ZNF257: variants seen among roughly 807,000 people sequenced by gnomAD.
ZNF257 encodes bone marrow zinc finger 4.
Under a neutral mutation model 11.9 loss-of-function variants are expected in ZNF257, and 12 were observed. The observed-to-expected ratio is 1.01, with a 90% CI of 0.65 to 1.63. The LOEUF (loss-of-function observed/expected upper bound fraction) is 1.63, where lower values mean the gene tolerates loss of function less well. Ranked by LOEUF, ZNF257 falls within the 40% of genes most tolerant of loss-of-function variation. The pLI is 0.00. For missense variants in ZNF257, 580 were observed against 665.5 expected (o/e 0.87, Z 1.41); for synonymous variants, 183 against 222.7 (o/e 0.82, Z 1.59).
In ZNF257 at chr19:22,063,303, T is replaced by C. The variant is rs147884937; in HGVS notation, c.4-9506T>C. Reference sequence around the variant, plus strand: ...TATCTTATCAATTTTTTTTCAAAGATTTAACTCCTGGATTTCTTGATCTTT... The same window carrying C: ...TATCTTATCAATTTTTTTTCAAAGACTTAACTCCTGGATTTCTTGATCTTT... On this transcript the variant is annotated intron_variant, in intron 1 of 3. Coordinates refer to ENST00000594947, the MANE Select transcript of ZNF257 (RefSeq NM_033468.4). Among the ~76,000 whole-genome samples, 384 of 152,288 alleles carry C rather than the reference T, an allele frequency of 2.5e-3. 1 individual carries two copies. The highest frequency in any genetic ancestry group is 8.9e-3 in the African/African-American group (370 of 41,576).
In ZNF257 at chr19:22,052,505, C is replaced by T. The variant is rs415291; in HGVS notation, c.-128C>T. 2 of 1,114,448 alleles carry T rather than the reference C, an allele frequency of 1.8e-6. No homozygotes were observed. The highest frequency in any genetic ancestry group is 2.1e-4 in the Middle Eastern group (1 of 4,682). 69.0% of individuals were successfully genotyped at this position (1,114,448 alleles called of 1,614,324 possible). ...GGGTACTTTGTCTCTCGCTCTAGCC[C>T]GAGCTGCAGGTCTCGTCTTCCCTGG... On this transcript the variant is annotated 5_prime_UTR_variant, in exon 1 of 4. Transcript: ENST00000594947.
intron 1 of ZNF257, among the ~76,000 whole-genome samples, chr19:22,062,423 T>C (rs10408150): frequency 0.24 from 35,673 of 151,008 alleles, 5,766 homozygotes; most frequent in African/African-American, 0.46. Context: ...TGCGCCCAGC[T>C]TTGCTAAGGA....
At chr19:22,070,312 C>G (rs2022071110) in intron 1 of ZNF257, among the ~76,000 whole-genome samples, 2 of 148,292 alleles carry the variant, frequency 1.3e-5, no homozygotes, top group African/African-American at 5.1e-5. Flanking sequence ...TCTCATCTAT[C>G]TATTTAGCTT....
intron 1 of ZNF257, among the ~76,000 whole-genome samples, chr19:22,053,674 C>T (rs569309527): frequency 6.6e-6 from 1 of 152,130 alleles, no homozygotes; most frequent in South Asian, 2.1e-4. Flanking sequence ...GCTTGTAATC[C>T]GAGCACTTTG....
Position 22,088,728 on chromosome 19 carries a change from C to G in ZNF257, c.978C>G (p.Asn326Lys). The change falls in exon 4 of 4, where the codon AAC becomes AAG. Residue 326 changes from asparagine to lysine, a missense_variant. By Grantham distance (94) the Asn-to-Lys change is moderately conservative. Coordinates refer to ENST00000594947, the MANE Select transcript of ZNF257 (RefSeq NM_033468.4). Reference protein sequence around the residue: ...YKCEECGKAFNQSSALTRHKM... With the variant: ...YKCEECGKAFKQSSALTRHKM... ...GTGAAGAGTGTGGCAAAGCCTTTAA[C>G]CAGTCCTCAGCCCTTACTCGACATA... The G allele has an allele frequency of 6.2e-7, 1 of 1,612,082 alleles. No individual in the cohort carries two copies. The highest frequency in any genetic ancestry group is 8.5e-7 in the Non-Finnish European group (1 of 1,179,552).
intron 1 of ZNF257, chr19:22,066,426 G>C (rs2145695168): frequency 6.5e-6 from 1 of 153,852 alleles, no homozygotes; most frequent in South Asian, 2.1e-4. Context: ...TACTGTGGCA[G>C]TTTGGGTTCA....
intron 1 of ZNF257, 114 bp downstream of exon 1, chr19:22,052,749 C>G: frequency 1.5e-6 from 2 of 1,327,384 alleles, no homozygotes; most frequent in Non-Finnish European, 2.1e-6. Context: ...CATCTGCGCC[C>G]GAGTTTTCCT....
intron 1 of ZNF257, among the ~76,000 whole-genome samples, chr19:22,062,920 G>C (rs1184815215): frequency 6.6e-6 from 1 of 152,164 alleles, no homozygotes; most frequent in African/African-American, 2.4e-5. Context: ...AGCGGAAATG[G>C]TACTAGCTCT....
At chr19:22,056,478 A>ATTTT (rs79915542) in intron 1 of ZNF257, among the ~76,000 whole-genome samples, 16,923 of 134,450 alleles carry the variant, frequency 0.13, 1,392 homozygotes, top group Middle Eastern at 0.17. Flanking sequence ...GAATTTAGAA[A>ATTTT]TTTTTTTTTT....
intron 3 of ZNF257, among the ~76,000 whole-genome samples, chr19:22,079,413 A>G (rs1383327336): frequency 6.6e-6 from 1 of 152,166 alleles, no homozygotes; most frequent in African/African-American, 2.4e-5. Flanking sequence ...ACTAATAAGA[A>G]CATACCCAAG....
intron 1 of ZNF257, among the ~76,000 whole-genome samples, chr19:22,056,139 G>T (rs2021632625): frequency 6.6e-6 from 1 of 152,058 alleles, no homozygotes; most frequent in East Asian, 1.9e-4. Flanking sequence ...TATTAGTAGG[G>T]CTTTAAAGGT....
At chr19:22,056,168 G>T (rs1568478596) in intron 1 of ZNF257, among the ~76,000 whole-genome samples, 1 of 152,036 alleles carries the variant, frequency 6.6e-6, no homozygotes, top group East Asian at 1.9e-4. Context: ...ATTTACAAAG[G>T]GACGGGGGAG....
At chr19:22,059,424 G>T (rs2021732263) in intron 1 of ZNF257, among the ~76,000 whole-genome samples, 1 of 151,996 alleles carries the variant, frequency 6.6e-6, no homozygotes, top group Non-Finnish European at 1.5e-5. Context: ...GAGACTCTGG[G>T]ATTACATGCG....
rs2022556881 is a variant in ZNF257, at chr19:22,088,989, A to G, written c.1239A>G (p.Ser413=). The change falls in exon 4 of 4, where the codon TCA becomes TCG. Residue 413 remains serine, a synonymous_variant. Transcript: ENST00000594947. ...ATTGCAAAGCTTTTAACTGGTCCTC[A>G]GCTCTTACTACCCTTACTCAGCATA... ...DEYCKAFNWS[S]ALTTLTQHKI... is the part of the protein sequence containing the mutation. 6.2e-7 allele frequency: 1 copy of G among 1,612,072 alleles called. No homozygotes were observed. The highest frequency in any genetic ancestry group is 8.5e-7 in the Non-Finnish European group (1 of 1,179,470).
At position 22,087,551 on chromosome 19, in the gene ZNF257, T is replaced by C. The variant is rs1599675464; in HGVS notation, c.227-426T>C. 17 of 1,229,988 alleles carry C rather than the reference T, an allele frequency of 1.4e-5. No individual in the cohort carries two copies. In the East Asian group the frequency reaches 5.1e-4, roughly 37 times the overall value. The allele number at this position is 1,229,988 out of a possible 1,614,324, so 76.2% of individuals were successfully genotyped here. The stretch of plus-strand genomic sequence containing the variant: ...TTCAGCATTTTATTTAATGGGAGAA[T>C]GAAACCAGTGTCTTGAAAGACCCCT... On this transcript the variant is annotated intron_variant, in intron 3 of 3. Coordinates refer to ENST00000594947, the MANE Select transcript of ZNF257 (RefSeq NM_033468.4).
At chr19:22,080,110 G>A (rs548323164) in intron 3 of ZNF257, among the ~76,000 whole-genome samples, 1 of 152,040 alleles carries the variant, frequency 6.6e-6, no homozygotes, top group Non-Finnish European at 1.5e-5. Context: ...ATCCCTAGTA[G>A]CTGGGACTAT....
At chr19:22,070,527 A>T (rs546837157) in intron 1 of ZNF257, among the ~76,000 whole-genome samples, 2 of 151,446 alleles carry the variant, frequency 1.3e-5, no homozygotes, top group Non-Finnish European at 2.9e-5. Flanking sequence ...TTTAATAAAC[A>T]TTCCATCAGT....
intron 1 of ZNF257, among the ~76,000 whole-genome samples, chr19:22,063,631 C>T (rs955835927): frequency 2.0e-5 from 3 of 152,040 alleles, no homozygotes; most frequent in Admixed American, 6.6e-5. Context: ...CATTTAAATG[C>T]GGGTTGTTTA....
chr19:22,088,289 A>G lies in ZNF257; in HGVS notation c.539A>G (p.Lys180Arg). The G allele has an allele frequency of 6.2e-7, 1 of 1,613,690 alleles. No homozygotes were observed. The highest frequency in any genetic ancestry group is 8.5e-7 in the Non-Finnish European group (1 of 1,179,790). The change falls in exon 4 of 4, where the codon AAA (lysine) becomes AGA (arginine). Residue 180 changes from lysine (K) to arginine (R), a missense_variant. Transcript: ENST00000594947. ...ACTTGCAAATGTAAAGAATGTGGCA[A>G]ATCATTTTGCATGCTTTCACAACTA... Reference protein sequence around the residue: ...KKTCKCKECGKSFCMLSQLTR... With the variant: ...KKTCKCKECGRSFCMLSQLTR...
Sources: gnomAD v4.1 joint callset for allele counts (sites outside exome capture counted in the v4.1 genomes callset) on GRCh38, gnomAD v4.1.1 for gene constraint, MANE v1.5 for transcripts, NCBI Gene and HGNC (gene_info 2026-07-23, HGNC 2026-07-21) for gene names.